The following ATP13A5 variants were observed in gnomAD, a reference collection of about 807,000 sequenced individuals.
The protein encoded by ATP13A5 is probable cation-transporting ATPase 13A5.
A neutral mutation model predicts 150.2 loss-of-function variants in ATP13A5; 149 were observed. That is an observed-to-expected ratio of 0.99 (90% CI 0.87 to 1.14). The LOEUF is 1.14. Ranked by LOEUF, ATP13A5 falls within the 50% of genes most tolerant of loss-of-function variation. The pLI, the probability that ATP13A5 is intolerant of heterozygous loss-of-function variation, is 0.00. For synonymous variants in ATP13A5, 497 were observed against 522.2 expected (o/e 0.95, Z 0.66); for missense variants, 1,383 against 1,449.3 (o/e 0.95, Z 0.74).
In ATP13A5 at chr3:193,305,817, A is replaced by G. The variant is rs112985548; in HGVS notation, c.2569-149T>C. ...TGTTTAATGCTGTCCCTCCACCTGG[A>G]GTGCCCTCTCTCCCCTGATCCACAA... On this transcript the variant is annotated intron_variant, in intron 22 of 29. Transcript: ENST00000342358. 1,693 of 667,740 alleles carry G rather than the reference A, an allele frequency of 2.5e-3. 25 individuals are homozygous for G. Among genetic ancestry groups the G allele is most frequent in the African/African-American group, 0.025 (1,379 of 55,388 alleles). The allele number at this position is 667,740 out of a possible 1,614,324, so 41.4% of individuals were successfully genotyped here. A position where few individuals can be genotyped will look rare whatever the true frequency, so the allele number is the denominator to read the frequency against.
chr3:193,312,911 A>C (rs1718909130), intron 19 of ATP13A5: 1 of 151,240 alleles, frequency 6.6e-6, no homozygotes. Context: ...TTGCACTGGG[A>C]ATGTGGGGAG....
chr3:193,280,174 C>T (rs1161743250), intron 27 of ATP13A5, among the ~76,000 whole-genome samples: 1 of 151,992 alleles, frequency 6.6e-6, no homozygotes, highest in Non-Finnish European at 1.5e-5. Context: ...CTTCAGCCTC[C>T]CAAGTAGCTG....
intron 9 of ATP13A5, 100 bp from the exon 10 acceptor site, chr3:193,335,199 C>A: frequency 9.3e-7 from 1 of 1,080,150 alleles, no homozygotes; most frequent in Non-Finnish European, 1.4e-6. Flanking sequence ...ACAACTAATC[C>A]GGTCTTAATG....
intron 6 of ATP13A5, among the ~76,000 whole-genome samples, chr3:193,352,143 T>A (rs1275196832): frequency 6.6e-6 from 1 of 152,242 alleles, no homozygotes; most frequent in Non-Finnish European, 1.5e-5. Flanking sequence ...ATGTACTAAA[T>A]ACAATTCTAA....
At chr3:193,340,028 T>A (rs1200433337) in intron 9 of ATP13A5, among the ~76,000 whole-genome samples, 1 of 152,190 alleles carries the variant, frequency 6.6e-6, no homozygotes, top group African/African-American at 2.4e-5. Flanking sequence ...AAGCCTCATG[T>A]TTTGGCCTTT....
chr3:193,280,324 T>G (rs1717430276), intron 27 of ATP13A5, among the ~76,000 whole-genome samples: 1 of 152,174 alleles, frequency 6.6e-6, no homozygotes. Flanking sequence ...AGTGCTATGA[T>G]TACAGGCATC....
At chr3:193,317,603 A>C (rs1719098642) in intron 17 of ATP13A5, among the ~76,000 whole-genome samples, 1 of 152,156 alleles carries the variant, frequency 6.6e-6, no homozygotes, top group Non-Finnish European at 1.5e-5. Flanking sequence ...ATTTTTAAGA[A>C]GTTTTAAATT....
At chr3:193,311,640 G>A (rs34366886) in intron 20 of ATP13A5, among the ~76,000 whole-genome samples, 176 bp downstream of exon 20, 51,117 of 151,934 alleles carry the variant, frequency 0.34, 9,281 homozygotes, top group Non-Finnish European at 0.41. Flanking sequence ...GGTCTGCCTG[G>A]GACCGAGAAG....
chr3:193,325,289 T>C (rs1719430253), intron 13 of ATP13A5, among the ~76,000 whole-genome samples: 1 of 152,240 alleles, frequency 6.6e-6, no homozygotes, highest in South Asian at 2.1e-4. Context: ...ATTGCTATGC[T>C]TGTCCAGAGA....
chr3:193,366,832 A>T (rs1227472345), intron 1 of ATP13A5, among the ~76,000 whole-genome samples: 2 of 152,128 alleles, frequency 1.3e-5, no homozygotes. Context: ...ACCTAAACTG[A>T]GCACATTCTG....
Position 193,276,822 on chromosome 3 carries a change from T to C in ATP13A5, c.3324A>G (p.Pro1108=). 1 of 1,612,930 alleles carries C rather than the reference T, an allele frequency of 6.2e-7. No individual in the cohort carries two copies. The highest frequency in any genetic ancestry group is 1.1e-5 in the South Asian group (1 of 90,868). Residue 1108 remains proline (P), a synonymous_variant, in exon 29 of 30, where the codon CCA becomes CCG. Coordinates refer to ENST00000342358, the MANE Select transcript of ATP13A5 (RefSeq NM_198505.4). ...QVIYRGMELI[P]TITSWRVLIL... ...TTAAAACCCTCCACGATGTTATGGT[T>C]GGGATCAACTGTTGAAAAACAAATA... is the stretch of plus-strand genomic sequence containing the variant.
At chr3:193,370,994 C>T (rs1197578044) in intron 1 of ATP13A5, among the ~76,000 whole-genome samples, 1 of 152,150 alleles carries the variant, frequency 6.6e-6, no homozygotes, top group East Asian at 1.9e-4. Context: ...GCTGGCACTA[C>T]CATAACAAGA....
intron 9 of ATP13A5, among the ~76,000 whole-genome samples, chr3:193,337,510 C>T (rs1711926622): frequency 6.6e-6 from 1 of 152,162 alleles, no homozygotes; most frequent in Non-Finnish European, 1.5e-5. Flanking sequence ...TTCCCCATTT[C>T]TTGTTTTTGT....
intron 3 of ATP13A5, 47 bp downstream of exon 3, chr3:193,363,189 G>C (rs1560151361): frequency 1.3e-6 from 2 of 1,552,254 alleles, no homozygotes. Flanking sequence ...GTTATTTTAT[G>C]CTTTCTCTGT....
chr3:193,348,974 C>G (rs989133025), intron 7 of ATP13A5, among the ~76,000 whole-genome samples: 4 of 149,518 alleles, frequency 2.7e-5, no homozygotes, highest in African/African-American at 1.0e-4. Context: ...CTGTCCCTCC[C>G]TCTCAGGTGG....
At chr3:193,333,298 C>T (rs1315500134) in intron 11 of ATP13A5, among the ~76,000 whole-genome samples, 2 of 152,114 alleles carry the variant, frequency 1.3e-5, no homozygotes, top group Non-Finnish European at 2.9e-5. Flanking sequence ...CACCAGCTCA[C>T]ACTGTTATGA....
At chr3:193,323,920 T>C (rs1719379096) in intron 14 of ATP13A5, 1 of 152,204 alleles carries the variant, frequency 6.6e-6, no homozygotes, top group Middle Eastern at 3.2e-3. Context: ...ATTTTATACA[T>C]CATTGGACAC....
At chr3:193,336,937 T>C (rs1711893826) in intron 9 of ATP13A5, among the ~76,000 whole-genome samples, 1 of 152,196 alleles carries the variant, frequency 6.6e-6, no homozygotes, top group Admixed American at 6.5e-5. Context: ...TTCTAACTGG[T>C]GTGAGATGGT....
chr3:193,371,406 G>C (rs1364398649), intron 1 of ATP13A5, among the ~76,000 whole-genome samples: 1 of 152,178 alleles, frequency 6.6e-6, no homozygotes, highest in Non-Finnish European at 1.5e-5. Flanking sequence ...TTGCTGCATA[G>C]CAAACTCAGT....
Sources: gnomAD v4.1 joint callset for allele counts (sites outside exome capture counted in the v4.1 genomes callset) on GRCh38, gnomAD v4.1.1 for gene constraint, MANE v1.5 for transcripts, NCBI Gene and HGNC (gene_info 2026-07-23, HGNC 2026-07-21) for gene names.